Variants in HMCN1 observed in about 807,000 individuals in gnomAD.
HMCN1 encodes the protein hemicentin 1, also known as hemicentin-1.
HMCN1 carries 321 observed loss-of-function variants against 625.9 expected under a neutral mutation model. The ratio of observed to expected loss-of-function variants is 0.51; its 90% confidence interval spans 0.47 to 0.56. The LOEUF is 0.56. Among genes scored for constraint, HMCN1 ranks in the 20% least tolerant of loss-of-function variants. The pLI, the probability that HMCN1 is intolerant of heterozygous loss-of-function variation, is 0.00. For synonymous variants in HMCN1, 2,425 were observed against 2,417.6 expected (o/e 1.00, Z -0.09); for missense variants, 6,588 against 6,887.3 (o/e 0.96, Z 1.54).
intron 102 of HMCN1, among the ~76,000 whole-genome samples, chr1:186,173,232 G>A (rs993755052): frequency 2.0e-5 from 3 of 152,072 alleles, no homozygotes; most frequent in Admixed American, 6.5e-5. Flanking sequence ...TATGATAGGA[G>A]TGGGAGATAG....
intron 4 of HMCN1, among the ~76,000 whole-genome samples, chr1:185,890,015 A>G (rs1350840541): frequency 1.3e-5 from 2 of 151,144 alleles, no homozygotes; most frequent in African/African-American, 4.9e-5. Flanking sequence ...TCAGAGATTC[A>G]ACTTCTTCCT....
intron 11 of HMCN1, among the ~76,000 whole-genome samples, chr1:185,934,805 A>G (rs191932755): frequency 6.6e-6 from 1 of 152,330 alleles, no homozygotes; most frequent in Non-Finnish European, 1.5e-5. Flanking sequence ...AGGTTACCTA[A>G]GAAAATGACC....
chr1:185,799,909 C>T (rs1366328202), intron 1 of HMCN1, among the ~76,000 whole-genome samples: 1 of 152,160 alleles, frequency 6.6e-6, no homozygotes. Flanking sequence ...CATGTTCTGC[C>T]ACTGAGGTGG....
rs1355193825 is a variant in HMCN1, at chr1:186,018,310, A to G, written c.5428A>G (p.Thr1810Ala). 3 of 1,612,920 alleles carry G rather than the reference A, an allele frequency of 1.9e-6. No individual in the cohort carries two copies. The highest frequency in any genetic ancestry group is 2.2e-5 in the South Asian group (2 of 91,058). Residue 1810 changes from threonine to alanine, a missense_variant, in exon 34 of 107, where the codon ACT (threonine) becomes GCT (alanine). By Grantham distance (58) the Thr-to-Ala change is moderately conservative. Coordinates refer to ENST00000271588, the MANE Select transcript of HMCN1 (RefSeq NM_031935.3). ...TGLYRCMAAN[T>A]AGDHKKEFEV... ...CCTTTATCGGTGCATGGCAGCAAAT[A>G]CTGCTGGAGACCACAAGAAGGAATT...
chr1:185,880,478 T>C (rs1664235359), intron 4 of HMCN1, among the ~76,000 whole-genome samples: 2 of 152,174 alleles, frequency 1.3e-5, no homozygotes, highest in African/African-American at 4.8e-5. Context: ...GGCTCTTCCT[T>C]AATCCTGGAA....
At chr1:186,035,321 A>C (rs1463693172) in intron 36 of HMCN1, among the ~76,000 whole-genome samples, 1 of 152,196 alleles carries the variant, frequency 6.6e-6, no homozygotes, top group East Asian at 1.9e-4. Flanking sequence ...CTCCCAGGAC[A>C]AAAAAGATTT....
chr1:185,923,787 T>C, intron 8 of HMCN1, 134 bp downstream of exon 8: 1 of 757,426 alleles, frequency 1.3e-6, no homozygotes, highest in South Asian at 1.6e-5. Context: ...TTGATGGATA[T>C]TTACATGTAC....
rs933554582 is a variant in HMCN1 at position 186,064,466 on chromosome 1, G to A, written c.7514-772G>A. Among the ~76,000 whole-genome samples, 6 of 151,964 alleles carry A rather than the reference G, an allele frequency of 3.9e-5. No homozygotes were observed. The South Asian group carries it at 8.3e-4, about 21-fold the overall frequency. On this transcript the variant is annotated intron_variant, in intron 48 of 106. Coordinates refer to ENST00000271588, the MANE Select transcript of HMCN1 (RefSeq NM_031935.3). ...ATATCTGCATGTTGAATTAATTAAA[G>A]GTTTTGCTTTTTTACAGCTTTTTGT...
intron 4 of HMCN1, among the ~76,000 whole-genome samples, chr1:185,887,825 T>G (rs1664768823): frequency 1.4e-5 from 2 of 140,238 alleles, no homozygotes; most frequent in Admixed American, 6.9e-5. Context: ...ATATACCCAG[T>G]AATGGGATGG....
At position 186,123,129 on chromosome 1, in the gene HMCN1, A is replaced by G; in HGVS notation, c.12408A>G (p.Ala4136=). The G allele has an allele frequency of 5.0e-6, 8 of 1,614,068 alleles. No homozygotes were observed. Among genetic ancestry groups the G allele is most frequent in the Non-Finnish European group, 6.8e-6 (8 of 1,179,970 alleles). ...TCAGCTCTGGCTCTCTGCAAATAGCATTTGTCCAGCCTGGTGATGCTGGCC... is the reference window on the plus strand; with the variant it reads ...TCAGCTCTGGCTCTCTGCAAATAGCGTTTGTCCAGCCTGGTGATGCTGGCC... ...RVLSSGSLQI[A]FVQPGDAGHY... The change falls in exon 81 of 107, where the codon GCA becomes GCG. Residue 4136 remains alanine, a synonymous_variant. Coordinates refer to ENST00000271588, the MANE Select transcript of HMCN1 (RefSeq NM_031935.3).
At chr1:186,021,012 C>G (rs1654682023) in intron 35 of HMCN1, among the ~76,000 whole-genome samples, 1 of 151,980 alleles carries the variant, frequency 6.6e-6, no homozygotes, top group African/African-American at 2.4e-5. Context: ...CAGACCCATT[C>G]CAAAGAATAA....
At position 186,130,694 on chromosome 1, in the gene HMCN1, T is replaced by C; in HGVS notation, c.13227T>C (p.Thr4409=). The change falls in exon 85 of 107, where the codon ACT becomes ACC. Residue 4409 remains threonine (T), a synonymous_variant. Coordinates refer to ENST00000271588, the MANE Select transcript of HMCN1 (RefSeq NM_031935.3). ...ATGGCTCCCTGGCCATCTATGGCAC[T>C]GTTGTAAGTCACGCCAGAATGATTG... is the stretch of plus-strand genomic sequence containing the variant. ...LGNGSLAIYG[T]VNEDAGDYTC... The C allele has an allele frequency of 6.2e-7, 1 of 1,612,150 alleles. No individual in the cohort carries two copies. Among genetic ancestry groups the C allele is most frequent in the Admixed American group, 1.7e-5 (1 of 59,914 alleles).
intron 4 of HMCN1, among the ~76,000 whole-genome samples, chr1:185,886,157 T>C (rs12078444): frequency 0.36 from 53,951 of 151,578 alleles, 12,573 homozygotes; most frequent in African/African-American, 0.66. Context: ...TCCAATAGAA[T>C]ATGCAGGGCT....
At chr1:185,738,153 G>A (rs1280890185) in intron 1 of HMCN1, among the ~76,000 whole-genome samples, 1 of 152,156 alleles carries the variant, frequency 6.6e-6, no homozygotes, top group African/African-American at 2.4e-5. Context: ...TTATTGAGAT[G>A]TAATCCCCTT....
chr1:185,759,708 C>CT (rs146484395), intron 1 of HMCN1, among the ~76,000 whole-genome samples: 14 of 148,338 alleles, frequency 9.4e-5, no homozygotes, highest in Admixed American at 2.0e-4. Flanking sequence ...GAATTCAATA[C>CT]TTTTTTTTTT....
In HMCN1 at chr1:185,980,581, ACTTCTAACAGG is replaced by A. The variant is rs568697335; in HGVS notation, c.2567-396_2567-386del. On this transcript the variant is annotated intron_variant, in intron 16 of 106. Transcript: ENST00000271588. Reference sequence around the variant, plus strand: ...ATCAACTAAAAAATCTCCCCTGCAAACTTCTAACAGGGTGGTGGTGCAGAGCACCACCATTG... The same window carrying A: ...ATCAACTAAAAAATCTCCCCTGCAAAGTGGTGGTGCAGAGCACCACCATTG... Among the ~76,000 whole-genome samples the A allele has an allele frequency of 3.6e-3, 549 of 152,252 alleles. 4 individuals are homozygous for A. Among genetic ancestry groups the A allele is most frequent in the African/African-American group, 0.013 (521 of 41,544 alleles).
chr1:185,888,024 A>G (rs1472939762), intron 4 of HMCN1, among the ~76,000 whole-genome samples: 12 of 139,974 alleles, frequency 8.6e-5, no homozygotes, highest in African/African-American at 2.8e-4. Context: ...ATGGTATCTC[A>G]TTGTGGTTTT....
chr1:186,000,435 C>G (rs1276442044), intron 26 of HMCN1, among the ~76,000 whole-genome samples, 196 bp downstream of exon 26: 4 of 151,690 alleles, frequency 2.6e-5, no homozygotes, highest in Non-Finnish European at 5.9e-5. Context: ...TTACATCATT[C>G]AAAATTCAAA....
At chr1:185,893,173 G>A (rs1285229691) in intron 4 of HMCN1, among the ~76,000 whole-genome samples, 8 of 152,164 alleles carry the variant, frequency 5.3e-5, no homozygotes, top group African/African-American at 9.7e-5. Flanking sequence ...TTCGGCTCAC[G>A]CACGGTGCCT....
Sources: allele counts gnomAD v4.1 joint callset (sites outside exome capture counted in the v4.1 genomes callset), GRCh38; gene constraint gnomAD v4.1.1; transcripts MANE v1.5; gene names NCBI Gene and HGNC (gene_info 2026-07-23, HGNC 2026-07-21).